The following NAALADL2 variants were observed in gnomAD, a reference collection of about 807,000 sequenced individuals.
NAALADL2 encodes the protein N-acetylated alpha-linked acidic dipeptidase like 2.
A neutral mutation model predicts 87.2 loss-of-function variants in NAALADL2; 76 were observed. That is an observed-to-expected ratio of 0.87 (90% CI 0.72 to 1.05). The LOEUF (loss-of-function observed/expected upper bound fraction) is 1.05, where lower values mean the gene tolerates loss of function less well. Among genes scored for constraint, NAALADL2 ranks in the 50% least tolerant of loss-of-function variants. NAALADL2 has a pLI of 0.00. For synonymous variants in NAALADL2, 354 were observed against 331.0 expected, an observed-to-expected ratio of 1.07 and a Z score of -0.75; for missense variants, 1,089 against 945.8, an observed-to-expected ratio of 1.15 and a Z score of -1.99.
At chr3:175,209,919 C>T (rs1052230518) in intron 2 of NAALADL2, among the ~76,000 whole-genome samples, 8 of 151,698 alleles carry the variant, frequency 5.3e-5, no homozygotes, top group South Asian at 2.1e-4. Flanking sequence ...TACAAGTCTT[C>T]GTTTTCAATA....
chr3:174,908,965 G>C (rs919926243), intron 1 of NAALADL2, among the ~76,000 whole-genome samples: 1 of 150,530 alleles, frequency 6.6e-6, no homozygotes, highest in African/African-American at 2.5e-5. Flanking sequence ...GCAGTAAACA[G>C]ATTTTCTTAG....
At chr3:175,563,875 C>T (rs769879800) in intron 9 of NAALADL2, among the ~76,000 whole-genome samples, 5 of 152,204 alleles carry the variant, frequency 3.3e-5, no homozygotes, top group Non-Finnish European at 7.4e-5. Context: ...ACACAGTGCT[C>T]CTTGAATACA....
At chr3:175,707,245 A>G (rs1042051285) in intron 11 of NAALADL2, among the ~76,000 whole-genome samples, 1 of 152,162 alleles carries the variant, frequency 6.6e-6, no homozygotes, top group Non-Finnish European at 1.5e-5. Flanking sequence ...CACAAAAGCA[A>G]TCAAACAATA....
At chr3:174,934,463 T>C (rs1737371498) in intron 1 of NAALADL2, among the ~76,000 whole-genome samples, 1 of 152,188 alleles carries the variant, frequency 6.6e-6, no homozygotes, top group South Asian at 2.1e-4. Context: ...CAGCTTTAGA[T>C]ATTATTTTTT....
At chr3:175,387,314 A>G (rs931113144) in intron 5 of NAALADL2, among the ~76,000 whole-genome samples, 2 of 152,220 alleles carry the variant, frequency 1.3e-5, no homozygotes, top group African/African-American at 4.8e-5. Context: ...TTACAAAATT[A>G]AAGTGTTTTA....
At chr3:175,405,506 A>G (rs1016340308) in intron 5 of NAALADL2, among the ~76,000 whole-genome samples, 1 of 152,314 alleles carries the variant, frequency 6.6e-6, no homozygotes, top group East Asian at 1.9e-4. Flanking sequence ...AATTTTCCAT[A>G]AATTATTAAT....
chr3:175,623,254 A>T (rs1162143759), intron 10 of NAALADL2, among the ~76,000 whole-genome samples: 1 of 148,184 alleles, frequency 6.7e-6, no homozygotes, highest in African/African-American at 2.5e-5. Context: ...TTTGTAGCTA[A>T]CCCATAACTA....
At chr3:175,406,200 A>G (rs1361418044) in intron 5 of NAALADL2, among the ~76,000 whole-genome samples, 2 of 152,256 alleles carry the variant, frequency 1.3e-5, no homozygotes, top group Non-Finnish European at 2.9e-5. Context: ...ATGTGAAATT[A>G]GGTCAGAGAG....
At chr3:175,718,195 G>GGTTTTTTTT in intron 11 of NAALADL2, 2 of 822,736 alleles carry the variant, frequency 2.4e-6, no homozygotes, top group South Asian at 3.7e-5. Flanking sequence ...AGGGCCTGTG[G>GGTTTTTTTT]TTTTTTTTTT....
chr3:174,620,124 T>C (rs1478888084), intron 2 of NAALADL2, among the ~76,000 whole-genome samples: 1 of 152,052 alleles, frequency 6.6e-6, no homozygotes, highest in African/African-American at 2.4e-5. Context: ...TTAATCTCCT[T>C]GGTCATTTAT....
intron 12 of NAALADL2, 89 bp from the exon 13 acceptor site, chr3:175,755,131 G>A: frequency 2.7e-6 from 3 of 1,091,404 alleles, no homozygotes; most frequent in South Asian, 3.0e-5. Flanking sequence ...TGGTCTGTCT[G>A]GCTTATAACT....
chr3:174,566,372 T>C (rs1392984016), intron 2 of NAALADL2, among the ~76,000 whole-genome samples: 1 of 151,740 alleles, frequency 6.6e-6, no homozygotes, highest in Non-Finnish European at 1.5e-5. Flanking sequence ...TGTGAAGGGG[T>C]TTGTTACCAG....
chr3:175,086,487 TA>T (rs1266483147), intron 1 of NAALADL2, among the ~76,000 whole-genome samples: 1 of 152,080 alleles, frequency 6.6e-6, no homozygotes, highest in Non-Finnish European at 1.5e-5. Flanking sequence ...ATTTTAAAAT[TA>T]AAGGTTAGAT....
intron 2 of NAALADL2, among the ~76,000 whole-genome samples, chr3:174,620,309 ACT>A (rs1720874917): frequency 1.3e-5 from 2 of 152,164 alleles, no homozygotes; most frequent in East Asian, 3.9e-4. Context: ...CAAAATGGGC[ACT>A]GAGTCACCCG....
intron 4 of NAALADL2, among the ~76,000 whole-genome samples, chr3:175,266,711 T>C (rs2109961357): frequency 6.6e-6 from 1 of 151,910 alleles, no homozygotes; most frequent in East Asian, 1.9e-4. Flanking sequence ...AGTCATAGAA[T>C]GAAATTCAGA....
At chr3:175,160,351 CT>C (rs1227666730) in intron 2 of NAALADL2, among the ~76,000 whole-genome samples, 2 of 67,786 alleles carry the variant, frequency 3.0e-5, no homozygotes, top group African/African-American at 8.8e-5. Context: ...ATATGTGTAT[CT>C]TTTCTTTCTT....
intron 11 of NAALADL2, among the ~76,000 whole-genome samples, chr3:175,735,254 CA>C (rs1224063771): frequency 6.6e-6 from 1 of 152,200 alleles, no homozygotes; most frequent in African/African-American, 2.4e-5. Context: ...CCCTGTATTT[CA>C]TTTTCTCTAT....
chr3:175,710,077 T>C (rs1461767658), intron 11 of NAALADL2, among the ~76,000 whole-genome samples: 1 of 151,770 alleles, frequency 6.6e-6, no homozygotes, highest in Non-Finnish European at 1.5e-5. Context: ...GTTCCAGTAG[T>C]GATAGAAAAG....
chr3:174,524,748 A>G (rs2108423290), intron 1 of NAALADL2, among the ~76,000 whole-genome samples: 1 of 151,310 alleles, frequency 6.6e-6, no homozygotes, highest in South Asian at 2.1e-4. Flanking sequence ...ACATTTGTCG[A>G]GGTTGGGTCT....
Sources: allele counts gnomAD v4.1 joint callset (sites outside exome capture counted in the v4.1 genomes callset), GRCh38; gene constraint gnomAD v4.1.1; transcripts MANE v1.5; gene names NCBI Gene and HGNC (gene_info 2026-07-23, HGNC 2026-07-21).